The following MOV10L1 variants were observed in gnomAD, a reference collection of about 807,000 sequenced individuals.
MOV10L1 encodes Mov10 like RNA helicase 1.
MOV10L1 carries 110 observed loss-of-function variants against 143.8 expected under a neutral mutation model. The observed-to-expected ratio is 0.76, with a 90% CI of 0.66 to 0.90. MOV10L1 has a LOEUF of 0.90. Among genes scored for constraint, MOV10L1 ranks in the 40% least tolerant of loss-of-function variants. The probability of loss-of-function intolerance (pLI) is 0.00; values close to 1 mark genes in which losing one functional copy is unlikely to be tolerated. For synonymous variants in MOV10L1, 593 were observed against 581.1 expected (o/e 1.02, Z -0.29); for missense variants, 1,406 against 1,526.8 (o/e 0.92, Z 1.32).
At chr22:50,134,816 G>C (rs1264293756) in intron 15 of MOV10L1, among the ~76,000 whole-genome samples, 186 bp downstream of exon 15, 1 of 152,210 alleles carries the variant, frequency 6.6e-6, no homozygotes, top group Non-Finnish European at 1.5e-5. Flanking sequence ...TGGAGTATTA[G>C]AGCAGTGTGG....
intron 2 of MOV10L1, among the ~76,000 whole-genome samples, chr22:50,097,823 C>A (rs9617022): frequency 0.22 from 34,062 of 151,796 alleles, 4,181 homozygotes; most frequent in Admixed American, 0.35. Context: ...GATTGCGTTG[C>A]ATTTGTTGGG....
At chr22:50,091,054 TTC>T (rs2062426197) in intron 1 of MOV10L1, 1 of 168,270 alleles carries the variant, frequency 5.9e-6, no homozygotes, top group Non-Finnish European at 1.5e-5. Flanking sequence ...CCTAATTGCC[TTC>T]TGTGAGAAAA....
At chr22:50,100,183 G>A (rs1569270815) in intron 3 of MOV10L1, among the ~76,000 whole-genome samples, 3 of 151,952 alleles carry the variant, frequency 2.0e-5, no homozygotes, top group Admixed American at 2.0e-4. Context: ...AGTAAAGATG[G>A]GGTTTCATCA....
intron 6 of MOV10L1, among the ~76,000 whole-genome samples, 156 bp from the exon 7 acceptor site, chr22:50,114,225 T>C (rs545189150): frequency 3.3e-5 from 5 of 152,316 alleles, no homozygotes; most frequent in African/African-American, 9.6e-5. Flanking sequence ...CATGAAGATC[T>C]TTTCAAAATT....
At chr22:50,137,547 GAAA>G (rs1210313579) in intron 15 of MOV10L1, among the ~76,000 whole-genome samples, 1 of 151,284 alleles carries the variant, frequency 6.6e-6, no homozygotes, top group Non-Finnish European at 1.5e-5. Context: ...CTCCATCCCA[GAAA>G]AAAAATTAGC....
Position 50,128,476 on chromosome 22 carries a change from G to T in MOV10L1, c.1879G>T (p.Glu627Ter), listed in dbSNP as rs775574062. 1 of 1,525,348 alleles carries T rather than the reference G, an allele frequency of 6.6e-7. No individual in the cohort carries two copies. The highest frequency in any genetic ancestry group is 2.3e-5 in the East Asian group (1 of 42,678). 94.5% of individuals were successfully genotyped at this position (1,525,348 alleles called of 1,614,324 possible). A position where few individuals can be genotyped will look rare whatever the true frequency, so the allele number is the denominator to read the frequency against. ...AGAATTTGAACAAGCCTATAACTTT[G>T]AACCTATGGATGTGGAATTTACATA... Reference protein sequence around the residue: ...NPEFEQAYNFEPMDVEFTYNR... With the variant: ...NPEFEQAYNF The change falls in exon 13 of 27, where the codon GAA (glutamate) becomes TAA (stop). Residue 627 changes from glutamate (E) to a stop codon, truncating the protein, a stop_gained. Transcript: ENST00000262794. LOFTEE classifies it high-confidence loss of function.
At chr22:50,100,446 G>T (rs1356354035) in intron 3 of MOV10L1, among the ~76,000 whole-genome samples, 1 of 152,190 alleles carries the variant, frequency 6.6e-6, no homozygotes, top group African/African-American at 2.4e-5. Context: ...AAGTACTTTA[G>T]ATGTTTTAAA....
intron 1 of MOV10L1, chr22:50,090,564 T>C (rs1372643203): frequency 5.1e-6 from 8 of 1,579,798 alleles, no homozygotes; most frequent in Non-Finnish European, 6.0e-6. Context: ...GGCCTGTCCT[T>C]TCAGAACGCG....
At chr22:50,126,801 T>A (rs962722478) in intron 12 of MOV10L1, among the ~76,000 whole-genome samples, 1 of 152,174 alleles carries the variant, frequency 6.6e-6, no homozygotes, top group Non-Finnish European at 1.5e-5. Context: ...AGCCACACAT[T>A]ACTTAATGTA....
chr22:50,095,455 C>T (rs770969227), intron 2 of MOV10L1: 2 of 152,192 alleles, frequency 1.3e-5, no homozygotes, highest in South Asian at 2.1e-4. Context: ...CGATAGTCCT[C>T]ATGTTTTTGT....
chr22:50,150,599 C>A (rs1234292534), intron 20 of MOV10L1, 136 bp from the exon 21 acceptor site: 6 of 991,166 alleles, frequency 6.1e-6, no homozygotes, highest in African/African-American at 1.6e-5. Context: ...TCCCTGGTCT[C>A]CCAGTCCCTC....
chr22:50,147,778 A>C (rs1349701172), intron 19 of MOV10L1, among the ~76,000 whole-genome samples: 1 of 152,278 alleles, frequency 6.6e-6, no homozygotes, highest in Non-Finnish European at 1.5e-5. Context: ...TAGGAAAGAT[A>C]CATAATGTTA....
intron 8 of MOV10L1, among the ~76,000 whole-genome samples, chr22:50,116,784 T>C (rs2062191706): frequency 6.7e-6 from 1 of 149,670 alleles, no homozygotes; most frequent in Non-Finnish European, 1.5e-5. Flanking sequence ...GCCTCCCGAG[T>C]AGCTGGAACC....
At chr22:50,120,748 G>A (rs1218992323) in intron 10 of MOV10L1, 132 bp downstream of exon 10, 15 of 674,520 alleles carry the variant, frequency 2.2e-5, no homozygotes, top group African/African-American at 1.6e-4. Flanking sequence ...CTGGGATAAC[G>A]AGGGTCACTG....
At position 50,120,559 on chromosome 22, in the gene MOV10L1, TAGAAAA is replaced by T; in HGVS notation, c.1513_1518del (p.Arg505_Lys506del). 6.2e-7 allele frequency: 1 copy of T among 1,613,890 alleles called. No individual in the cohort carries two copies. The highest frequency in any genetic ancestry group is 8.5e-7 in the Non-Finnish European group (1 of 1,179,872). Reference sequence around the variant, plus strand: ...CCCAATATCCAATCCCAGATAGACTTAGAAAATGTGTGGAACAAAAAATTGACATCC... The same window carrying T: ...CCCAATATCCAATCCCAGATAGACTTTGTGTGGAACAAAAAATTGACATCC... On this transcript the variant is annotated inframe_deletion, in exon 10 of 27. Transcript: ENST00000262794.
intron 16 of MOV10L1, among the ~76,000 whole-genome samples, chr22:50,142,657 T>C (rs2063022840): frequency 1.3e-5 from 2 of 150,440 alleles, no homozygotes; most frequent in South Asian, 2.1e-4. Flanking sequence ...GGCGAAACCT[T>C]GTCTCTATAA....
In MOV10L1 at chr22:50,117,366, A is replaced by G. The variant is rs763981044; in HGVS notation, c.1454+15A>G. 3 of 1,610,718 alleles carry G rather than the reference A, an allele frequency of 1.9e-6. No homozygotes were observed. Among genetic ancestry groups the G allele is most frequent in the East Asian group, 2.2e-5 (1 of 44,856 alleles). On this transcript the variant is annotated intron_variant, in intron 9 of 26. Transcript: ENST00000262794. ...GCACAGAAAAGGTACCATAACTGAA[A>G]TGAGTGTGGCTCTTGGTCTGGCAGT...
intron 10 of MOV10L1, 66 bp from the exon 11 acceptor site, chr22:50,125,326 G>A (rs1009781667): frequency 1.3e-5 from 20 of 1,503,250 alleles, no homozygotes; most frequent in East Asian, 4.5e-5. Flanking sequence ...TTCCTGCTCC[G>A]GAGCTGCTAC....
intron 9 of MOV10L1, among the ~76,000 whole-genome samples, chr22:50,118,939 G>T (rs2062257707): frequency 6.6e-6 from 1 of 152,114 alleles, no homozygotes; most frequent in Non-Finnish European, 1.5e-5. Context: ...ACTCTTTGGG[G>T]CACAGTTTCA....
Sources: gnomAD v4.1 joint callset for allele counts (sites outside exome capture counted in the v4.1 genomes callset) on GRCh38, gnomAD v4.1.1 for gene constraint, MANE v1.5 for transcripts, NCBI Gene and HGNC (gene_info 2026-07-23, HGNC 2026-07-21) for gene names.